PRKAR1B: variants seen among roughly 807,000 people sequenced by gnomAD.
PRKAR1B encodes the protein protein kinase cAMP-dependent type I regulatory subunit beta.
In PRKAR1B, 22 loss-of-function variants were observed where a neutral mutation model predicts 46.5. That is an observed-to-expected ratio of 0.47 (90% CI 0.34 to 0.68). The LOEUF (loss-of-function observed/expected upper bound fraction) is 0.68, where lower values mean the gene tolerates loss of function less well. PRKAR1B is among the 30% of genes least tolerant of loss of function. PRKAR1B has a pLI of 0.01. For missense variants in PRKAR1B, 445 were observed against 535.6 expected, an observed-to-expected ratio of 0.83 and a Z score of 1.67; for synonymous variants, 259 against 217.7, an observed-to-expected ratio of 1.19 and a Z score of -1.67.
At chr7:589,190 G>T (rs192744284) in intron 7 of PRKAR1B, among the ~76,000 whole-genome samples, 1 of 151,400 alleles carries the variant, frequency 6.6e-6, no homozygotes, top group Non-Finnish European at 1.5e-5. Context: ...TCTGGTCTTC[G>T]GTTTCTCCAT....
intron 4 of PRKAR1B, among the ~76,000 whole-genome samples, chr7:630,313 C>T (rs1448485683): frequency 6.6e-6 from 1 of 152,176 alleles, no homozygotes; most frequent in Admixed American, 6.5e-5. Context: ...GAGGCAAACC[C>T]CCAGGCAGGT....
intron 1 of PRKAR1B, among the ~76,000 whole-genome samples, chr7:716,209 G>A (rs1341608808): frequency 6.8e-6 from 1 of 146,786 alleles, no homozygotes. Context: ...CGCCACACCT[G>A]GTACTTAAAA....
Position 677,331 on chromosome 7 carries a change from G to A in PRKAR1B, c.349-11C>T. On this transcript the variant is annotated splice_polypyrimidine_tract_variant and intron_variant, in intron 3 of 10. Coordinates refer to ENST00000537384, the MANE Select transcript of PRKAR1B (RefSeq NM_001164760.2). Reference sequence around the variant, plus strand: ...GTCCTTGGGAATCACCTGAAGCGGAGCCAACACATCACCGTGTGAGCCACC... The same window carrying A: ...GTCCTTGGGAATCACCTGAAGCGGAACCAACACATCACCGTGTGAGCCACC... 1 of 1,613,710 alleles carries A rather than the reference G, an allele frequency of 6.2e-7. No homozygotes were observed. The highest frequency in any genetic ancestry group is 8.5e-7 in the Non-Finnish European group (1 of 1,179,542).
chr7:697,369 C>G (rs897100196), intron 2 of PRKAR1B, among the ~76,000 whole-genome samples: 3 of 152,274 alleles, frequency 2.0e-5, no homozygotes, highest in African/African-American at 4.8e-5. Context: ...GCCTGCGGCC[C>G]GGTTCTCGCT....
At chr7:574,496 G>A (rs1027300418) in intron 9 of PRKAR1B, among the ~76,000 whole-genome samples, 1 of 152,020 alleles carries the variant, frequency 6.6e-6, no homozygotes, top group Non-Finnish European at 1.5e-5. Context: ...CCAGGCTGGA[G>A]TACAATGGCG....
At chr7:664,277 G>A (rs1785780971) in intron 4 of PRKAR1B, among the ~76,000 whole-genome samples, 1 of 152,228 alleles carries the variant, frequency 6.6e-6, no homozygotes, top group African/African-American at 2.4e-5. Context: ...GAAAGCTGGT[G>A]CATCCCTCCT....
At chr7:720,891 G>C (rs542125566) in intron 1 of PRKAR1B, among the ~76,000 whole-genome samples, 55 of 152,282 alleles carry the variant, frequency 3.6e-4, no homozygotes, top group African/African-American at 1.3e-3. Context: ...GTCATGTTTT[G>C]TATCCACGTG....
intron 9 of PRKAR1B, among the ~76,000 whole-genome samples, chr7:553,242 C>A (rs923041955): frequency 6.6e-6 from 1 of 152,184 alleles, no homozygotes. Context: ...TCTGAACAGC[C>A]GGGGAAACGG....
At chr7:568,595 G>A (rs911848370) in intron 9 of PRKAR1B, among the ~76,000 whole-genome samples, 1 of 152,224 alleles carries the variant, frequency 6.6e-6, no homozygotes, top group African/African-American at 2.4e-5. Context: ...CCCCCCACAA[G>A]GGAGGGAATG....
intron 8 of PRKAR1B, among the ~76,000 whole-genome samples, chr7:583,984 A>G (rs2128447094): frequency 6.6e-6 from 1 of 152,326 alleles, no homozygotes. Flanking sequence ...CCGAAGGTGA[A>G]AGGGCCCTGG....
chr7:712,839 G>C (rs1449477946), intron 1 of PRKAR1B: 3 of 151,764 alleles, frequency 2.0e-5, no homozygotes, highest in South Asian at 2.1e-4. Context: ...GGCTGCCTGA[G>C]CTGCTCACAC....
chr7:648,015 G>A (rs1784713475), intron 4 of PRKAR1B, among the ~76,000 whole-genome samples: 2 of 151,794 alleles, frequency 1.3e-5, no homozygotes, highest in East Asian at 3.9e-4. Context: ...GTGTGGTGGT[G>A]CGCACCTGTG....
chr7:559,173 G>A (rs150067835), intron 9 of PRKAR1B, among the ~76,000 whole-genome samples: 5 of 152,246 alleles, frequency 3.3e-5, no homozygotes, highest in Non-Finnish European at 5.9e-5. Context: ...GCACCCAGAG[G>A]GGAGGCAGAC....
intron 4 of PRKAR1B, among the ~76,000 whole-genome samples, chr7:635,185 T>A (rs543328655): frequency 6.6e-6 from 1 of 152,330 alleles, no homozygotes; most frequent in South Asian, 2.1e-4. Flanking sequence ...CCAGCTTCTC[T>A]GGAAAAATCA....
At chr7:638,799 G>A (rs920499369) in intron 4 of PRKAR1B, among the ~76,000 whole-genome samples, 2 of 152,186 alleles carry the variant, frequency 1.3e-5, no homozygotes, top group Non-Finnish European at 2.9e-5. Flanking sequence ...ACATGCGGCC[G>A]GGCGCGGGGG....
chr7:563,494 G>A (rs1471878986), intron 9 of PRKAR1B, among the ~76,000 whole-genome samples: 1 of 152,268 alleles, frequency 6.6e-6, no homozygotes, highest in Non-Finnish European at 1.5e-5. Flanking sequence ...GCCCCAGGGG[G>A]CCCCAAGCTG....
intron 7 of PRKAR1B, among the ~76,000 whole-genome samples, chr7:590,670 T>G (rs980398772): frequency 2.0e-5 from 3 of 152,136 alleles, no homozygotes; most frequent in Non-Finnish European, 4.4e-5. Context: ...AGCCCCAATT[T>G]TAGAGTCCAG....
chr7:642,620 G>C (rs1486536551), intron 4 of PRKAR1B, among the ~76,000 whole-genome samples: 1 of 151,226 alleles, frequency 6.6e-6, no homozygotes, highest in African/African-American at 2.4e-5. Flanking sequence ...AGCTACTTGG[G>C]AGGCTGAGGC....
intron 4 of PRKAR1B, among the ~76,000 whole-genome samples, chr7:625,281 T>C (rs1410133280): frequency 1.3e-5 from 2 of 152,200 alleles, no homozygotes; most frequent in Admixed American, 6.5e-5. Flanking sequence ...GAGGGAAATC[T>C]ATAGCACTGA....
Sources: allele counts gnomAD v4.1 joint callset (sites outside exome capture counted in the v4.1 genomes callset), GRCh38; gene constraint gnomAD v4.1.1; transcripts MANE v1.5; gene names NCBI Gene and HGNC (gene_info 2026-07-23, HGNC 2026-07-21).